C12orf56: variants seen among roughly 807,000 people sequenced by gnomAD.
C12orf56 encodes the protein chromosome 12 open reading frame 56.
A neutral mutation model predicts 69.9 loss-of-function variants in C12orf56; 71 were observed. The ratio of observed to expected loss-of-function variants is 1.02; its 90% CI spans 0.84 to 1.24. C12orf56 has a LOEUF of 1.24. C12orf56 is among the 50% of genes most tolerant of loss of function. The pLI, the probability that C12orf56 is intolerant of heterozygous loss-of-function variation, is 0.00. For synonymous variants in C12orf56, 276 were observed against 274.1 expected (o/e 1.01, Z -0.07); for missense variants, 732 against 738.5 (o/e 0.99, Z 0.10).
At position 64,266,753 on chromosome 12, in the gene C12orf56, C is replaced by A; in HGVS notation, c.*430G>T. ...CCCATGCCTCAGGCCCCCACACTCCCCGGCATCCTATTGCTTAAGCAACAG... is the reference window on the plus strand; with the variant it reads ...CCCATGCCTCAGGCCCCCACACTCCACGGCATCCTATTGCTTAAGCAACAG... On this transcript the variant is annotated 3_prime_UTR_variant, in exon 13 of 13. Coordinates refer to ENST00000543942, the MANE Select transcript of C12orf56 (RefSeq NM_001170633.2). The A allele has an allele frequency of 2.9e-6, 1 of 339,602 alleles. No individual in the cohort carries two copies. The highest frequency in any genetic ancestry group is 5.4e-5 in the East Asian group (1 of 18,646). 21.0% of individuals were successfully genotyped at this position (339,602 alleles called of 1,614,324 possible).
rs1465491690 is a variant in C12orf56 at position 64,270,674 on chromosome 12, C to T, written c.1625G>A (p.Gly542Asp). Residue 542 changes from glycine to aspartate, a missense_variant, in exon 12 of 13, where the codon GGT becomes GAT. Coordinates refer to ENST00000543942, the MANE Select transcript of C12orf56 (RefSeq NM_001170633.2). ...TAGCAGCTGAAATGAAGCTGAAAGA[C>T]CCCTCACCACTTGTTTCACAATACT... ...VASIVKQVVR[G>D]LSASFQLLSP... 6.2e-7 allele frequency: 1 copy of T among 1,612,722 alleles called. No individual in the cohort carries two copies. The highest frequency in any genetic ancestry group is 8.5e-7 in the Non-Finnish European group (1 of 1,179,562).
chr12:64,278,054 A>T (rs1362099720), intron 8 of C12orf56, among the ~76,000 whole-genome samples: 1 of 152,194 alleles, frequency 6.6e-6, no homozygotes, highest in Non-Finnish European at 1.5e-5. Context: ...GCTTAGAAAG[A>T]CTAGAAAATC....
chr12:64,352,901 G>C lies in C12orf56; in HGVS notation c.408C>G (p.Asn136Lys). Reference protein sequence around the residue: ...LFPFHHTKANNKKVKEEKNGL... With the variant: ...LFPFHHTKANKKKVKEEKNGL... ...CAGATTGGAAGTACCTACCTTTCTT[G>C]TTGTTAGCTTTAGTATGATGAAATG... The change falls in exon 2 of 13, where the codon AAC becomes AAG. Residue 136 changes from asparagine (N) to lysine (K), a missense_variant. Asn to Lys is a moderately conservative substitution (Grantham distance 94). Transcript: ENST00000543942. 6.2e-7 allele frequency: 1 copy of C among 1,603,922 alleles called. No homozygotes were observed. The highest frequency in any genetic ancestry group is 8.5e-7 in the Non-Finnish European group (1 of 1,177,186).
In C12orf56 at chr12:64,266,742, C is replaced by T. The variant is rs748715398; in HGVS notation, c.*441G>A. ...GAACTTGAATGCCCATGCCTCAGGCCCCCACACTCCCCGGCATCCTATTGC... is the reference window on the plus strand; with the variant it reads ...GAACTTGAATGCCCATGCCTCAGGCTCCCACACTCCCCGGCATCCTATTGC... On this transcript the variant is annotated 3_prime_UTR_variant, in exon 13 of 13. Coordinates refer to ENST00000543942, the MANE Select transcript of C12orf56 (RefSeq NM_001170633.2). 6.0e-5 allele frequency: 21 copies of T among 351,642 alleles called. No homozygotes were observed. The highest frequency in any genetic ancestry group is 9.6e-5 in the Non-Finnish European group (18 of 187,542). The allele number at this position is 351,642 out of a possible 1,614,324, so 21.8% of individuals were successfully genotyped here.
At chr12:64,337,982 T>C (rs2039019582) in intron 2 of C12orf56, among the ~76,000 whole-genome samples, 1 of 152,098 alleles carries the variant, frequency 6.6e-6, no homozygotes, top group Non-Finnish European at 1.5e-5. Flanking sequence ...GTCCTGATCA[T>C]ATTACATGAA....
chr12:64,303,557 T>A (rs2136805129), intron 6 of C12orf56, 78 bp downstream of exon 6: 1 of 1,185,630 alleles, frequency 8.4e-7, no homozygotes, highest in East Asian at 2.6e-5. Flanking sequence ...CAACTCTTAT[T>A]TATATTTTAA....
chr12:64,271,435 G>A (rs934594743), intron 11 of C12orf56, among the ~76,000 whole-genome samples: 1 of 152,232 alleles, frequency 6.6e-6, no homozygotes, highest in African/African-American at 2.4e-5. Flanking sequence ...CTGCACTCCA[G>A]CCTGGGCGAG....
intron 10 of C12orf56, 75 bp from the exon 11 acceptor site, chr12:64,275,050 A>G (rs2038033442): frequency 7.6e-7 from 1 of 1,312,432 alleles, no homozygotes; most frequent in African/African-American, 1.5e-5. Context: ...TCATTCTTAA[A>G]TACATTTTTA....
intron 1 of C12orf56, among the ~76,000 whole-genome samples, chr12:64,367,936 T>C (rs2039520193): frequency 6.6e-6 from 1 of 150,710 alleles, no homozygotes; most frequent in Admixed American, 6.7e-5. Context: ...GACTCCGGAG[T>C]AGCTGGGATT....
rs59688148 is a variant in C12orf56 at position 64,328,679 on chromosome 12, C to CAAAAA, written c.488+2276_488+2280dup. ...TGGGCGACAGTGCAAGACTCCATCTCAAAAAAAAAAAAAAAAAAAAAAAAA... is the reference window on the plus strand; with the variant it reads ...TGGGCGACAGTGCAAGACTCCATCTCAAAAAAAAAAAAAAAAAAAAAAAAAAAAAA... On this transcript the variant is annotated intron_variant, in intron 3 of 12. Transcript: ENST00000543942. Among the ~76,000 whole-genome samples the CAAAAA allele has an allele frequency of 8.8e-3, 511 of 57,792 alleles. 44 individuals carry two copies. The highest frequency in any genetic ancestry group is 0.012 in the Non-Finnish European group (377 of 31,714). 37.9% of individuals were successfully genotyped at this position (57,792 alleles called of 152,430 possible).
chr12:64,303,751 G>T lies in C12orf56; in HGVS notation c.997C>A (p.Gln333Lys). 6.3e-7 allele frequency: 1 copy of T among 1,586,794 alleles called. No homozygotes were observed. Among genetic ancestry groups the T allele is most frequent in the South Asian group, 1.2e-5 (1 of 84,474 alleles). Residue 333 changes from glutamine to lysine, a missense_variant, in exon 6 of 13, where the codon CAA (glutamine) becomes AAA (lysine). Transcript: ENST00000543942. ...TTAAGAAAAAGTTCAGATTTAAGTT[G>T]ACTGAAGTGCTTAATTTTCTCCTCA... ...RSEEKIKHFS[Q>K]LKSELFLKDN...
At chr12:64,335,451 A>G (rs1028150576) in intron 2 of C12orf56, among the ~76,000 whole-genome samples, 7 of 149,820 alleles carry the variant, frequency 4.7e-5, no homozygotes, top group Non-Finnish European at 7.4e-5. Context: ...AGCTTTTGCT[A>G]CTAATACAGT....
At chr12:64,297,032 C>G (rs1409397173) in intron 6 of C12orf56, among the ~76,000 whole-genome samples, 1 of 152,100 alleles carries the variant, frequency 6.6e-6, no homozygotes, top group Admixed American at 6.6e-5. Flanking sequence ...TTGTGATACT[C>G]TGTTATAGCA....
intron 2 of C12orf56, among the ~76,000 whole-genome samples, chr12:64,348,768 G>T (rs2135946430): frequency 6.6e-6 from 1 of 152,252 alleles, no homozygotes; most frequent in South Asian, 2.1e-4. Context: ...AATTAAGGTT[G>T]TTATGTTAAG....
At chr12:64,319,034 A>G in intron 3 of C12orf56, 54 bp from the exon 4 acceptor site, 1 of 1,385,592 alleles carries the variant, frequency 7.2e-7, no homozygotes, top group African/African-American at 1.5e-5. Context: ...ACAGTAAGCA[A>G]CAAAGAGAAC....
intron 5 of C12orf56, among the ~76,000 whole-genome samples, chr12:64,304,452 G>A (rs987000902): frequency 2.6e-5 from 4 of 152,098 alleles, no homozygotes; most frequent in African/African-American, 9.7e-5. Flanking sequence ...CCACACCTAA[G>A]GAAAAGCTGG....
At chr12:64,328,551 G>A (rs1350049539) in intron 3 of C12orf56, among the ~76,000 whole-genome samples, 2 of 151,146 alleles carry the variant, frequency 1.3e-5, no homozygotes, top group Non-Finnish European at 3.0e-5. Context: ...ATGGTGGCGG[G>A]CGCCTGTAAT....
At chr12:64,360,679 T>C (rs1274694013) in intron 1 of C12orf56, among the ~76,000 whole-genome samples, 3 of 152,254 alleles carry the variant, frequency 2.0e-5, no homozygotes, top group Non-Finnish European at 4.4e-5. Context: ...AGATTTCTCA[T>C]GTTTCATATA....
intron 2 of C12orf56, among the ~76,000 whole-genome samples, chr12:64,346,086 C>T (rs372093135): frequency 1.4e-4 from 22 of 152,226 alleles, no homozygotes; most frequent in African/African-American, 5.1e-4. Flanking sequence ...TTGTATTAGT[C>T]AGGGTTCTCT....
Sources: allele counts gnomAD v4.1 joint callset (sites outside exome capture counted in the v4.1 genomes callset), GRCh38; gene constraint gnomAD v4.1.1; transcripts MANE v1.5; gene names NCBI Gene and HGNC (gene_info 2026-07-23, HGNC 2026-07-21).